Variants in DCTN6 observed in about 807,000 individuals in gnomAD.
DCTN6 encodes dynactin 6.
A neutral mutation model predicts 25.8 loss-of-function variants in DCTN6; 15 were observed. The observed-to-expected ratio is 0.58, with a 90% confidence interval of 0.39 to 0.89. The LOEUF is 0.89. Among genes scored for constraint, DCTN6 ranks in the 40% least tolerant of loss-of-function variants. DCTN6 has a pLI of 0.00. For missense variants in DCTN6, 198 were observed against 237.6 expected, an observed-to-expected ratio of 0.83 and a Z score of 1.09; for synonymous variants, 64 against 78.3, an observed-to-expected ratio of 0.82 and a Z score of 0.96.
intron 6 of DCTN6, among the ~76,000 whole-genome samples, chr8:30,181,882 A>G (rs551446660): frequency 7.8e-4 from 119 of 152,002 alleles, no homozygotes; most frequent in Non-Finnish European, 1.2e-3. Flanking sequence ...AAAAAAAAAA[A>G]AGAATAGTTT....
intron 4 of DCTN6, 130 bp from the exon 5 acceptor site, chr8:30,179,278 T>C (rs1803883074): frequency 1.8e-6 from 1 of 564,358 alleles, no homozygotes. Context: ...CAAAGAGTTC[T>C]GGCAAGGGTG....
intron 4 of DCTN6, among the ~76,000 whole-genome samples, chr8:30,177,790 A>G (rs1463164617): frequency 6.6e-6 from 1 of 152,240 alleles, no homozygotes; most frequent in African/African-American, 2.4e-5. Context: ...AATAGTATAT[A>G]TTTTAAAAAT....
intron 1 of DCTN6, among the ~76,000 whole-genome samples, chr8:30,159,850 C>T (rs1481817593): frequency 2.0e-5 from 3 of 151,754 alleles, no homozygotes; most frequent in Non-Finnish European, 2.9e-5. Context: ...CAACCTCTAC[C>T]TCCTGGGCTC....
At chr8:30,174,988 T>A in intron 2 of DCTN6, 97 bp from the exon 3 acceptor site, 1 of 1,089,332 alleles carries the variant, frequency 9.2e-7, no homozygotes, top group African/African-American at 1.6e-5. Flanking sequence ...TTAGAAAATG[T>A]TCCTCCCAAC....
Position 30,164,043 on chromosome 8 carries a change from T to C in DCTN6, c.24-68T>C, listed in dbSNP as rs1803632882. ...TTTAAACCTTGTTTTCATTACAATG[T>C]CACGGTAGCTCCTCCAACAGTATGT... is the stretch of plus-strand genomic sequence containing the variant. On this transcript the variant is annotated intron_variant, in intron 1 of 6. Transcript: ENST00000221114. The C allele has an allele frequency of 2.2e-6, 3 of 1,343,706 alleles. No individual in the cohort carries two copies. The Admixed American group carries it at 5.2e-5, about 23-fold the overall frequency. The allele number at this position is 1,343,706 out of a possible 1,614,324, so 83.2% of individuals were successfully genotyped here.
At chr8:30,180,365 G>GTAT (rs1366652628) in intron 5 of DCTN6, 123 bp from the exon 6 acceptor site, 1 of 1,243,948 alleles carries the variant, frequency 8.0e-7, no homozygotes, top group Non-Finnish European at 1.1e-6. Flanking sequence ...CCAAACTGAT[G>GTAT]TATTTTCTTT....
At chr8:30,171,960 GACTC>G (rs1803769611) in intron 2 of DCTN6, among the ~76,000 whole-genome samples, 1 of 152,160 alleles carries the variant, frequency 6.6e-6, no homozygotes, top group Non-Finnish European at 1.5e-5. Flanking sequence ...CCGGTGTCTA[GACTC>G]TCTAGACAAG....
chr8:30,176,180 A>G (rs1303158343), intron 3 of DCTN6, among the ~76,000 whole-genome samples: 3 of 152,246 alleles, frequency 2.0e-5, no homozygotes, highest in African/African-American at 7.2e-5. Context: ...GCCTAAAAAG[A>G]TAGCTAGCAT....
chr8:30,158,115 A>G (rs147797799), intron 1 of DCTN6, among the ~76,000 whole-genome samples: 1 of 152,236 alleles, frequency 6.6e-6, no homozygotes, highest in East Asian at 1.9e-4. Context: ...CCCACTGAGA[A>G]GTGTGCTGAT....
intron 2 of DCTN6, among the ~76,000 whole-genome samples, chr8:30,165,118 GA>G (rs1803648313): frequency 6.6e-6 from 1 of 152,138 alleles, no homozygotes. Flanking sequence ...TAGGTTTCTT[GA>G]AAGAAAACAT....
chr8:30,180,690 A>T, intron 6 of DCTN6, 60 bp downstream of exon 6: 1 of 1,578,510 alleles, frequency 6.3e-7, no homozygotes, highest in Non-Finnish European at 8.6e-7. Flanking sequence ...ATACAATGTA[A>T]TTGTCTTCAT....
chr8:30,162,307 T>G (rs892060230), intron 1 of DCTN6, among the ~76,000 whole-genome samples: 10 of 151,272 alleles, frequency 6.6e-5, no homozygotes, highest in African/African-American at 2.2e-4. Flanking sequence ...GGCTGGTTGG[T>G]CTCAAACTCC....
chr8:30,159,697 G>C (rs1356013146), intron 1 of DCTN6, among the ~76,000 whole-genome samples: 2 of 151,506 alleles, frequency 1.3e-5, no homozygotes, highest in Non-Finnish European at 2.9e-5. Context: ...GGTGCCATTA[G>C]TTTTCCAGAT....
rs970652913 is a variant in DCTN6, at chr8:30,160,894, A to G, written c.24-3217A>G. Reference sequence around the variant, plus strand: ...CTGTAACAAGGAATGGGAAATACCTACCTTCAACGTTGCCTAGAAACCAGA... The same window carrying G: ...CTGTAACAAGGAATGGGAAATACCTGCCTTCAACGTTGCCTAGAAACCAGA... On this transcript the variant is annotated intron_variant, in intron 1 of 6. Transcript: ENST00000221114. Among the ~76,000 whole-genome samples, 5 of 152,174 alleles carry G rather than the reference A, an allele frequency of 3.3e-5. No individual in the cohort carries two copies. In the South Asian group the frequency reaches 6.2e-4, roughly 19 times the overall value.
intron 2 of DCTN6, among the ~76,000 whole-genome samples, chr8:30,170,625 A>T (rs1339645758): frequency 1.3e-5 from 2 of 152,006 alleles, no homozygotes; most frequent in Non-Finnish European, 2.9e-5. Context: ...AAGACATCTT[A>T]TGGGACTTGG....
intron 6 of DCTN6, among the ~76,000 whole-genome samples, chr8:30,181,985 G>T (rs1296517166): frequency 6.6e-6 from 1 of 151,836 alleles, no homozygotes; most frequent in African/African-American, 2.4e-5. Context: ...GTAATGTTTG[G>T]CTTCATTATT....
intron 2 of DCTN6, among the ~76,000 whole-genome samples, chr8:30,172,760 C>T (rs1414009438): frequency 6.6e-6 from 1 of 152,140 alleles, no homozygotes; most frequent in Non-Finnish European, 1.5e-5. Flanking sequence ...GCAATATTTA[C>T]ATATCTTAAG....
intron 2 of DCTN6, among the ~76,000 whole-genome samples, chr8:30,173,711 C>G (rs1410155922): frequency 8.1e-6 from 1 of 123,762 alleles, no homozygotes; most frequent in East Asian, 2.5e-4. Context: ...GCCTGGGTGA[C>G]AGAATGAGAC....
At chr8:30,175,542 G>A (rs577020796) in intron 3 of DCTN6, among the ~76,000 whole-genome samples, 57 of 136,558 alleles carry the variant, frequency 4.2e-4, no homozygotes, top group African/African-American at 1.5e-3. Context: ...TTTTTTTTTT[G>A]ATTTTTTGGT....
Sources: allele counts gnomAD v4.1 joint callset (sites outside exome capture counted in the v4.1 genomes callset), GRCh38; gene constraint gnomAD v4.1.1; transcripts MANE v1.5; gene names NCBI Gene and HGNC (gene_info 2026-07-23, HGNC 2026-07-21).